ILRUN: variants seen among roughly 807,000 people sequenced by gnomAD.
ILRUN encodes protein ILRUN.
Under a neutral mutation model 33.8 loss-of-function variants are expected in ILRUN, and 3 were observed. The observed-to-expected ratio is 0.09, with a 90% CI of 0.04 to 0.23. ILRUN has a LOEUF of 0.23. Among genes scored for constraint, ILRUN ranks in the 10% least tolerant of loss-of-function variants. The pLI is 1.00. For missense variants in ILRUN, 210 were observed against 375.1 expected, an observed-to-expected ratio of 0.56 and a Z score of 3.64; for synonymous variants, 124 against 138.9, an observed-to-expected ratio of 0.89 and a Z score of 0.75.
chr6:34,662,909 A>G (rs73413812), intron 1 of ILRUN, among the ~76,000 whole-genome samples: 1 of 152,174 alleles, frequency 6.6e-6, no homozygotes, highest in Non-Finnish European at 1.5e-5. Flanking sequence ...CCTTGTCTCT[A>G]TAAAATTTAA....
chr6:34,683,477 T>C (rs571943461), intron 1 of ILRUN, among the ~76,000 whole-genome samples: 7,765 of 101,876 alleles, frequency 0.076, 520 homozygotes, highest in East Asian at 0.33. Context: ...TATATACACA[T>C]ATATATATAC....
intron 3 of ILRUN, among the ~76,000 whole-genome samples, chr6:34,624,475 C>T (rs1391083071): frequency 6.6e-6 from 1 of 152,028 alleles, no homozygotes; most frequent in African/African-American, 2.4e-5. Context: ...AGGCATGCAC[C>T]ACCACACCTG....
At chr6:34,675,114 C>T (rs1763201592) in intron 1 of ILRUN, among the ~76,000 whole-genome samples, 1 of 152,040 alleles carries the variant, frequency 6.6e-6, no homozygotes, top group East Asian at 1.9e-4. Context: ...AACTCTGTCT[C>T]TACTAAAAAT....
chr6:34,618,149 G>T (rs781727132), intron 3 of ILRUN, among the ~76,000 whole-genome samples: 5 of 152,110 alleles, frequency 3.3e-5, no homozygotes, highest in Non-Finnish European at 5.9e-5. Flanking sequence ...CCTGGCTGGG[G>T]CTGAAAAATG....
chr6:34,652,935 C>A (rs1465041695), intron 2 of ILRUN, among the ~76,000 whole-genome samples: 1 of 151,696 alleles, frequency 6.6e-6, no homozygotes, highest in Non-Finnish European at 1.5e-5. Context: ...GTGGGAGGAT[C>A]GTGTGAGCCC....
chr6:34,663,684 T>G (rs1196733670), intron 1 of ILRUN, among the ~76,000 whole-genome samples: 4 of 152,226 alleles, frequency 2.6e-5, no homozygotes, highest in African/African-American at 2.4e-5. Context: ...GTATAATTTA[T>G]GCAGCATAAA....
At chr6:34,626,137 AC>A (rs202024524) in intron 3 of ILRUN, among the ~76,000 whole-genome samples, 1,989 of 152,264 alleles carry the variant, frequency 0.013, 18 homozygotes, top group South Asian at 0.028. Context: ...GGTGTGAGCC[AC>A]TGCACCCGGC....
chr6:34,590,822 A>T (rs908394487), intron 4 of ILRUN, among the ~76,000 whole-genome samples: 1 of 152,210 alleles, frequency 6.6e-6, no homozygotes, highest in African/African-American at 2.4e-5. Context: ...CATCATCCAA[A>T]GAGAGGGGAG....
At chr6:34,647,768 T>A (rs998124187) in intron 2 of ILRUN, among the ~76,000 whole-genome samples, 1 of 152,222 alleles carries the variant, frequency 6.6e-6, no homozygotes, top group African/African-American at 2.4e-5. Flanking sequence ...TTTCACTATG[T>A]TGGCCAGGCT....
chr6:34,618,949 A>T (rs1761954490), intron 3 of ILRUN, among the ~76,000 whole-genome samples: 1 of 152,226 alleles, frequency 6.6e-6, no homozygotes, highest in Admixed American at 6.5e-5. Flanking sequence ...GAGTGTTTCA[A>T]GAGGACAGAG....
intron 3 of ILRUN, among the ~76,000 whole-genome samples, chr6:34,608,965 C>T (rs1006583597): frequency 6.6e-6 from 1 of 152,186 alleles, no homozygotes; most frequent in Non-Finnish European, 1.5e-5. Context: ...GGCCAAGAAG[C>T]TTTTAACTGT....
chr6:34,674,147 C>T (rs1390949017), intron 1 of ILRUN, among the ~76,000 whole-genome samples: 1 of 152,122 alleles, frequency 6.6e-6, no homozygotes, highest in Non-Finnish European at 1.5e-5. Flanking sequence ...CTGCCTCAGC[C>T]TCCGGAGTAG....
intron 1 of ILRUN, among the ~76,000 whole-genome samples, chr6:34,655,882 A>T (rs1040090635): frequency 1.3e-5 from 2 of 151,940 alleles, no homozygotes; most frequent in Non-Finnish European, 2.9e-5. Context: ...CTAATAGGTT[A>T]AAAAAAATAT....
At chr6:34,638,832 G>C (rs775777619) in intron 3 of ILRUN, among the ~76,000 whole-genome samples, 11 of 152,316 alleles carry the variant, frequency 7.2e-5, no homozygotes, top group Non-Finnish European at 1.5e-4. Context: ...AGAAGCAGAT[G>C]AAGCCTTTTT....
In ILRUN at chr6:34,696,430, T is replaced by G. The variant is rs3800456; in HGVS notation, c.158+16A>C. On this transcript the variant is annotated intron_variant, in intron 1 of 4. Transcript: ENST00000374023. ...CCGAGGCCGCTGCCAGCGCTGGCACTGCGGGGCCGGCTCACCAGTTGGTCA... is the reference window on the plus strand; with the variant it reads ...CCGAGGCCGCTGCCAGCGCTGGCACGGCGGGGCCGGCTCACCAGTTGGTCA... The G allele has an allele frequency of 0.78, 1,213,351 of 1,559,432 alleles. 472,984 individuals are homozygous for G. Among genetic ancestry groups the G allele is most frequent in the South Asian group, 0.82 (70,812 of 86,414 alleles).
intron 3 of ILRUN, 58 bp from the exon 4 acceptor site, chr6:34,606,962 GC>G: frequency 7.6e-7 from 1 of 1,323,046 alleles, no homozygotes. Flanking sequence ...GCCCAAGATA[GC>G]CACCACCAAA....
In ILRUN at chr6:34,587,780, A is replaced by G. The variant is rs1761222684; in HGVS notation, c.*2785T>C. ...TCCTCACGGCAAAAAGAAAAAAAGC[A>G]TGCACACGTGCACATCCATCCACAC... On this transcript the variant is annotated 3_prime_UTR_variant, in exon 5 of 5. Transcript: ENST00000374023. 3.0e-6 allele frequency: 1 copy of G among 334,160 alleles called. No individual in the cohort carries two copies. The highest frequency in any genetic ancestry group is 2.1e-5 in the African/African-American group (1 of 47,288). The allele number at this position is 334,160 out of a possible 1,614,324, so 20.7% of individuals were successfully genotyped here.
chr6:34,640,615 CAGA>C (rs1233040973), intron 3 of ILRUN, among the ~76,000 whole-genome samples: 1 of 151,934 alleles, frequency 6.6e-6, no homozygotes, highest in African/African-American at 2.4e-5. Context: ...GAGGCTGAGG[CAGA>C]AGAATTGCTT....
chr6:34,674,227 AT>A (rs1371308811), intron 1 of ILRUN, among the ~76,000 whole-genome samples: 1 of 152,204 alleles, frequency 6.6e-6, no homozygotes. Context: ...GGGTTTCACC[AT>A]GTTGGCCAGG....
Sources: gnomAD v4.1 joint callset for allele counts (sites outside exome capture counted in the v4.1 genomes callset) on GRCh38, gnomAD v4.1.1 for gene constraint, MANE v1.5 for transcripts, NCBI Gene and HGNC (gene_info 2026-07-23, HGNC 2026-07-21) for gene names.